MUC4: variants seen among roughly 807,000 people sequenced by gnomAD.
MUC4 encodes mucin-4.
In MUC4, 202 loss-of-function variants were observed where a neutral mutation model predicts 257.9. The observed-to-expected ratio is 0.78, with a 90% CI of 0.70 to 0.88. The LOEUF (loss-of-function observed/expected upper bound fraction) is 0.88, where lower values mean the gene tolerates loss of function less well. MUC4 is among the 40% of genes least tolerant of loss of function. The probability of loss-of-function intolerance (pLI) is 0.00; values close to 1 mark genes in which losing one functional copy is unlikely to be tolerated. For synonymous variants in MUC4, 2,351 were observed against 2,757.1 expected, an observed-to-expected ratio of 0.85 and a Z score of 4.62; for missense variants, 5,976 against 6,513.7, an observed-to-expected ratio of 0.92 and a Z score of 2.84.
Position 195,771,663 on chromosome 3 carries a change from T to C in MUC4, c.13231A>G (p.Thr4411Ala). The C allele has an allele frequency of 6.2e-7, 1 of 1,613,510 alleles. No homozygotes were observed. Among genetic ancestry groups the C allele is most frequent in the Admixed American group, 1.7e-5 (1 of 59,982 alleles). ...DADFSTGRGT[T>A]FYQEYETFYG... ...TTTGAAAGGCTCACCTGATAAAATG[T>C]GGTCCCCCGACCAGTGGAGAAGTCA... The change falls in exon 5 of 25, where the codon ACA (threonine) becomes GCA (alanine). Residue 4411 changes from threonine to alanine, a missense_variant. This residue lies in a region of MUC4 where 996 missense variants were observed against 1,137.3 expected (regional missense o/e 0.88). Coordinates refer to ENST00000463781, the MANE Select transcript of MUC4 (RefSeq NM_018406.7).
rs1405728611 is a variant in MUC4 at position 195,782,516 on chromosome 3, C to A, written c.9064G>T (p.Ala3022Ser). ...GGGCTGGTGACATGAAGAGGGGTGG[C>A]GTGACCTGTGGATATTGAGGAAGTG... Reference protein sequence around the residue: ...TDTSSISTGHATPLHVTSPSS... With the variant: ...TDTSSISTGHSTPLHVTSPSS... Residue 3022 changes from alanine (A) to serine (S), a missense_variant, in exon 2 of 25, where the codon GCC becomes TCC. Ala to Ser is a moderately conservative substitution (Grantham distance 99). This residue lies in a region of MUC4 where 68 missense variants were observed against 50.2 expected (regional missense o/e 1.35). Transcript: ENST00000463781. The A allele has an allele frequency of 8.7e-6, 12 of 1,373,746 alleles. 3 individuals carry two copies. Among genetic ancestry groups the A allele is most frequent in the East Asian group, 2.7e-5 (1 of 36,662 alleles). The allele number at this position is 1,373,746 out of a possible 1,614,324, so 85.1% of individuals were successfully genotyped here. A position where few individuals can be genotyped will look rare whatever the true frequency, so the allele number is the denominator to read the frequency against.
In MUC4 at chr3:195,789,017, C is replaced by A; in HGVS notation, c.2563G>T (p.Gly855Cys). 1.2e-6 allele frequency: 2 copies of A among 1,613,806 alleles called. No individual in the cohort carries two copies. Among genetic ancestry groups the A allele is most frequent in the Non-Finnish European group, 1.7e-6 (2 of 1,179,836 alleles). ...TELLSASASH[G>C]AIPVSTGMAS... ...ATTCCTGTGCTTACTGGGATGGCAC[C>A]ATGACTGGCTGAGGCGGACAGCAAT... The change falls in exon 2 of 25, where the codon GGT (glycine) becomes TGT (cysteine). Residue 855 changes from glycine to cysteine, a missense_variant. Gly to Cys is a radical substitution (Grantham distance 159). Around this residue, in one of 44 missense-constraint regions of MUC4, gnomAD observed 1,583 missense variants for 1,257.4 expected, o/e 1.26. Coordinates refer to ENST00000463781, the MANE Select transcript of MUC4 (RefSeq NM_018406.7).
At chr3:195,762,788 A>C in intron 13 of MUC4, 67 bp downstream of exon 13, 1 of 1,414,580 alleles carries the variant, frequency 7.1e-7, no homozygotes. Context: ...CTGCACCGCA[A>C]CGCGGCTTCC....
At chr3:195,748,108 G>A (rs1715491947) in intron 24 of MUC4, among the ~76,000 whole-genome samples, 2 of 152,278 alleles carry the variant, frequency 1.3e-5, no homozygotes, top group Admixed American at 6.5e-5. Context: ...TGGGGCCGCG[G>A]CTTCCTGCGC....
chr3:195,788,509 G>C lies in MUC4; in HGVS notation c.3071C>G (p.Pro1024Arg), dbSNP rs1452608072. The C allele has an allele frequency of 6.7e-7, 1 of 1,492,592 alleles. No individual in the cohort carries two copies. Among genetic ancestry groups the C allele is most frequent in the Admixed American group, 2.1e-5 (1 of 47,722 alleles). The allele number at this position is 1,492,592 out of a possible 1,614,324, so 92.5% of individuals were successfully genotyped here. The change falls in exon 2 of 25, where the codon CCT becomes CGT. Residue 1024 changes from proline to arginine, a missense_variant. Pro to Arg is a moderately radical substitution (Grantham distance 103). Around this residue, in one of 44 missense-constraint regions of MUC4, gnomAD observed 1,583 missense variants for 1,257.4 expected, o/e 1.26. Transcript: ENST00000463781. ...PSSVSTGHTT[P>R]LPVTDTSSES... is the part of the protein sequence containing the mutation. ...TGAGGAAGTGTCGGTGACAGGAAGA[G>C]GGGTGGTGTGACCTGTGGATACTGA...
chr3:195,767,624 C>CCACCACCATCACCACCACCACCATCAT (rs1721284031), intron 7 of MUC4, among the ~76,000 whole-genome samples: 1 of 94,224 alleles, frequency 1.1e-5, no homozygotes, highest in Non-Finnish European at 2.4e-5. Flanking sequence ...ACCACCATCA[C>CCACCACCATCACCACCACCACCATCAT]CACCATCACC....
intron 20 of MUC4, 65 bp from the exon 21 acceptor site, chr3:195,752,511 G>C (rs371279613): frequency 1.8e-5 from 26 of 1,455,154 alleles, no homozygotes; most frequent in Non-Finnish European, 2.4e-5. Context: ...CAAAAAGTCT[G>C]TCGGGCCAGC....
In MUC4 at chr3:195,757,903, C is replaced by T. The variant is rs568418627; in HGVS notation, c.14987-575G>A. 6.6e-6 allele frequency among the ~76,000 whole-genome samples: 1 copy of T among 152,178 alleles called. No homozygotes were observed. The highest frequency in any genetic ancestry group is 1.5e-5 in the Non-Finnish European group (1 of 68,026). Reference sequence around the variant, plus strand: ...TTGAAAGGAAGTGACAGAGAATAGACGAACGTAATTTCCAGACCATCGTCC... The same window carrying T: ...TTGAAAGGAAGTGACAGAGAATAGATGAACGTAATTTCCAGACCATCGTCC... On this transcript the variant is annotated intron_variant, in intron 17 of 24. Transcript: ENST00000463781. The surrounding 1 kb of genome is among the most constrained non-coding windows in gnomAD (Gnocchi z 4.8).
chr3:195,752,351 G>C (rs199860108), intron 21 of MUC4, 22 bp downstream of exon 21: 1 of 1,602,670 alleles, frequency 6.2e-7, no homozygotes, highest in African/African-American at 1.3e-5. Flanking sequence ...CTCCCACCCA[G>C]AGCGCGGCCT....
Position 195,746,923 on chromosome 3 carries a change from G to A in MUC4, c.*253C>T. 1.7e-6 allele frequency: 1 copy of A among 603,992 alleles called. No individual in the cohort carries two copies. The allele number at this position is 603,992 out of a possible 1,614,324, so 37.4% of individuals were successfully genotyped here. A position where few individuals can be genotyped will look rare whatever the true frequency, so the allele number is the denominator to read the frequency against. On this transcript the variant is annotated 3_prime_UTR_variant, in exon 25 of 25. Coordinates refer to ENST00000463781, the MANE Select transcript of MUC4 (RefSeq NM_018406.7). ...GTGTGTGTGCACGCGCGCGTGCACA[G>A]GCTAGTGTCCTTCTGTGGGTGTGTC...
Position 195,787,110 on chromosome 3 carries a change from A to C in MUC4, c.4470T>G (p.Pro1490=). ...TGGATGCTGAGGAAGTGCTAGTGAC[A>C]GGAAGAGGCGTGGTGTCACCTGTGG... The part of the protein sequence containing the change: ...SVSTGDTTPL[P]VTSTSSASTG... The change falls in exon 2 of 25, where the codon CCT becomes CCG. Residue 1490 remains proline (P), a synonymous_variant. Transcript: ENST00000463781. 1 of 1,254,702 alleles carries C rather than the reference A, an allele frequency of 8.0e-7. No individual in the cohort carries two copies. The highest frequency in any genetic ancestry group is 1.1e-6 in the Non-Finnish European group (1 of 916,864). The allele number at this position is 1,254,702 out of a possible 1,614,324, so 77.7% of individuals were successfully genotyped here.
rs568392217 is a variant in MUC4 at position 195,772,414 on chromosome 3, C to A, written c.13078-598G>T. ...AGGGGTGTAGACACCCTCCCTTCAT[C>A]GCTCAGGGGTGTAGACACCCTCCCT... On this transcript the variant is annotated intron_variant, in intron 4 of 24. Transcript: ENST00000463781. Among the ~76,000 whole-genome samples the A allele has an allele frequency of 1.5e-5, 2 of 135,030 alleles. 1 individual carries two copies. The highest frequency in any genetic ancestry group is 1.4e-4 in the Admixed American group (2 of 13,970). 88.6% of individuals were successfully genotyped at this position (135,030 alleles called of 152,430 possible).
chr3:195,806,819 A>C (rs1325650620), intron 1 of MUC4, among the ~76,000 whole-genome samples: 1 of 152,198 alleles, frequency 6.6e-6, no homozygotes, highest in Admixed American at 6.5e-5. Flanking sequence ...AAAAGCAGGA[A>C]CTGTGACGCA....
chr3:195,789,010 A>G lies in MUC4; in HGVS notation c.2570T>C (p.Ile857Thr), dbSNP rs764004118. The G allele has an allele frequency of 1.4e-5, 23 of 1,613,636 alleles. No individual in the cohort carries two copies. The African/African-American group carries it at 2.9e-4, about 21-fold the overall frequency. ...LLSASASHGA[I>T]PVSTGMASSI... ...AGACGCCATTCCTGTGCTTACTGGG[A>G]TGGCACCATGACTGGCTGAGGCGGA... The change falls in exon 2 of 25, where the codon ATC (isoleucine) becomes ACC (threonine). Residue 857 changes from isoleucine to threonine, a missense_variant. By Grantham distance (89) the Ile-to-Thr change is moderately conservative (BLOSUM62 -1). Transcript: ENST00000463781.
intron 16 of MUC4, among the ~76,000 whole-genome samples, chr3:195,759,896 G>A (rs1718416260): frequency 2.2e-5 from 1 of 46,294 alleles, no homozygotes; most frequent in Admixed American, 1.9e-4. Flanking sequence ...TCCAGCCTGG[G>A]CAACAAGAGC....
chr3:195,791,254 T>C lies in MUC4; in HGVS notation c.326A>G (p.Asn109Ser), dbSNP rs1733830112. 1 of 353,942 alleles carries C rather than the reference T, an allele frequency of 2.8e-6. No individual in the cohort carries two copies. Among genetic ancestry groups the C allele is most frequent in the Non-Finnish European group, 4.6e-6 (1 of 217,292 alleles). 21.9% of individuals were successfully genotyped at this position (353,942 alleles called of 1,614,324 possible). A position where few individuals can be genotyped will look rare whatever the true frequency, so the allele number is the denominator to read the frequency against. The change falls in exon 2 of 25, where the codon AAT (asparagine) becomes AGT (serine). Residue 109 changes from asparagine to serine, a missense_variant. By Grantham distance (46) the Asn-to-Ser change is conservative. Coordinates refer to ENST00000463781, the MANE Select transcript of MUC4 (RefSeq NM_018406.7). The part of the protein sequence containing the change: ...STLFSSPSVH[N>S]VMETAPPDEM... Reference sequence around the variant, plus strand: ...ATCTGGAGGAGCTGTCTCCATCACATTGTGTACACTTGGGGAAGAAAAAAG... The same window carrying C: ...ATCTGGAGGAGCTGTCTCCATCACACTGTGTACACTTGGGGAAGAAAAAAG...
chr3:195,774,103 C>G, intron 4 of MUC4, 69 bp downstream of exon 4: 1 of 1,487,722 alleles, frequency 6.7e-7, no homozygotes. Context: ...CCTCTGGGTT[C>G]CGTCTCGAAG....
intron 12 of MUC4, 123 bp from the exon 13 acceptor site, chr3:195,763,068 C>A (rs2148811046): frequency 1.2e-6 from 1 of 831,376 alleles, no homozygotes. Flanking sequence ...GCGCTGGAGG[C>A]CGCGGCCTGA....
At position 195,782,128 on chromosome 3, in the gene MUC4, G is replaced by C. The variant is rs766211196; in HGVS notation, c.9452C>G (p.Thr3151Ser). 6 of 1,366,836 alleles carry C rather than the reference G, an allele frequency of 4.4e-6. No homozygotes were observed. In the Admixed American group the frequency reaches 6.8e-5, roughly 15 times the overall value. 84.7% of individuals were successfully genotyped at this position (1,366,836 alleles called of 1,614,324 possible). The change falls in exon 2 of 25, where the codon ACC becomes AGC. Residue 3151 changes from threonine (T) to serine (S), a missense_variant. Around this residue, in one of 44 missense-constraint regions of MUC4, gnomAD observed 128 missense variants for 104.8 expected, o/e 1.22. Coordinates refer to ENST00000463781, the MANE Select transcript of MUC4 (RefSeq NM_018406.7). ...STSSASTGDT[T>S]PLPVTDTSSA... is the part of the protein sequence containing the mutation. ...GGAAGTGTCGGTGACAGGAAGAGGG[G>C]TGGTGTCACCTGTGGATGCTGAGGA...
Sources: gnomAD v4.1 joint callset for allele counts (sites outside exome capture counted in the v4.1 genomes callset) on GRCh38, gnomAD v4.1.1 for gene constraint, gnomAD v4.1.1 regional missense constraint, Gnocchi (gnomAD v3.1) non-coding constraint, MANE v1.5 for transcripts, NCBI Gene and HGNC (gene_info 2026-07-23, HGNC 2026-07-21) for gene names.